GALNTL6: variants seen among roughly 807,000 people sequenced by gnomAD.
GALNTL6 encodes polypeptide N-acetylgalactosaminyltransferase like 6.
Under a neutral mutation model 73.7 loss-of-function variants are expected in GALNTL6, and 46 were observed. The ratio of observed to expected loss-of-function variants is 0.62; its 90% confidence interval spans 0.49 to 0.80. The LOEUF (loss-of-function observed/expected upper bound fraction) is 0.80, where lower values mean the gene tolerates loss of function less well. Among genes scored for constraint, GALNTL6 ranks in the 30% least tolerant of loss-of-function variants. GALNTL6 has a pLI of 0.00. For missense variants in GALNTL6, 604 were observed against 755.0 expected, an observed-to-expected ratio of 0.80 and a Z score of 2.34; for synonymous variants, 259 against 263.7, an observed-to-expected ratio of 0.98 and a Z score of 0.17.
chr4:173,015,417 C>G (rs925038123), intron 11 of GALNTL6, among the ~76,000 whole-genome samples: 2 of 152,120 alleles, frequency 1.3e-5, no homozygotes, highest in Non-Finnish European at 2.9e-5. Context: ...GCTCAGAAGA[C>G]AGGAAAATGC....
intron 5 of GALNTL6, among the ~76,000 whole-genome samples, chr4:172,444,820 T>C (rs898950122): frequency 6.6e-6 from 1 of 152,082 alleles, no homozygotes; most frequent in East Asian, 1.9e-4. Context: ...TCTTAAATCC[T>C]GAACACATTT....
intron 10 of GALNTL6, among the ~76,000 whole-genome samples, chr4:172,977,817 A>G (rs1750888779): frequency 6.6e-6 from 1 of 152,092 alleles, no homozygotes; most frequent in South Asian, 2.1e-4. Flanking sequence ...TCTCATTAGC[A>G]TCTTAAATCT....
chr4:173,007,031 G>A lies in GALNTL6; in HGVS notation c.1372-2147G>A, dbSNP rs150961981. On this transcript the variant is annotated intron_variant, in intron 10 of 12. Coordinates refer to ENST00000506823, the MANE Select transcript of GALNTL6 (RefSeq NM_001034845.3). ...GTTGCCTAAGTCCCTATTGAATAAG[G>A]AGATTAGTACCCACCACATTGATTC... Among the ~76,000 whole-genome samples, 1,047 of 152,248 alleles carry A rather than the reference G, an allele frequency of 6.9e-3. 3 individuals carry two copies. Among genetic ancestry groups the A allele is most frequent in the Non-Finnish European group, 0.011 (769 of 68,024 alleles).
chr4:172,870,408 C>T (rs1489134852), intron 7 of GALNTL6, among the ~76,000 whole-genome samples: 2 of 152,060 alleles, frequency 1.3e-5, no homozygotes, highest in East Asian at 1.9e-4. Flanking sequence ...TGTAATTGTA[C>T]ATATTTTTGT....
At chr4:172,979,677 G>A (rs1750985359) in intron 10 of GALNTL6, among the ~76,000 whole-genome samples, 1 of 152,172 alleles carries the variant, frequency 6.6e-6, no homozygotes, top group African/African-American at 2.4e-5. Flanking sequence ...GGCTTTAGGA[G>A]CCCTTTGAGT....
intron 10 of GALNTL6, among the ~76,000 whole-genome samples, chr4:172,999,783 ATAATTTGGATATATT>A (rs1052537642): frequency 6.6e-6 from 1 of 151,244 alleles, no homozygotes; most frequent in African/African-American, 2.4e-5. Flanking sequence ...ATATATATAT[ATAATTTGGATATATT>A]ATTTGGATAC....
At chr4:172,021,779 C>T (rs1022757935) in intron 2 of GALNTL6, among the ~76,000 whole-genome samples, 1 of 151,754 alleles carries the variant, frequency 6.6e-6, no homozygotes, top group African/African-American at 2.4e-5. Flanking sequence ...AACACAGAAA[C>T]AAATCCATAT....
intron 3 of GALNTL6, among the ~76,000 whole-genome samples, chr4:172,308,041 T>G (rs1740214372): frequency 8.2e-6 from 1 of 122,034 alleles, no homozygotes; most frequent in Non-Finnish European, 1.7e-5. Context: ...TTTACGGCTC[T>G]TGTAACAGTG....
intron 2 of GALNTL6, among the ~76,000 whole-genome samples, chr4:172,212,794 A>T (rs553453113): frequency 6.6e-6 from 1 of 152,048 alleles, no homozygotes; most frequent in Non-Finnish European, 1.5e-5. Context: ...CAGCCTCCTG[A>T]GTAGCTGGGA....
chr4:172,382,472 TAATA>T (rs1743318247), intron 5 of GALNTL6, among the ~76,000 whole-genome samples: 1 of 152,186 alleles, frequency 6.6e-6, no homozygotes, highest in African/African-American at 2.4e-5. Flanking sequence ...TGTTGAGTTG[TAATA>T]AATCTTAATA....
intron 5 of GALNTL6, among the ~76,000 whole-genome samples, chr4:172,770,122 TG>T (rs935712853): frequency 2.0e-5 from 3 of 151,782 alleles, no homozygotes; most frequent in Non-Finnish European, 4.4e-5. Context: ...AAAAATTAGC[TG>T]GGCGTTGTGG....
intron 2 of GALNTL6, among the ~76,000 whole-genome samples, chr4:172,026,458 T>C (rs1741582078): frequency 6.6e-6 from 1 of 152,156 alleles, no homozygotes; most frequent in African/African-American, 2.4e-5. Flanking sequence ...CACTATACAA[T>C]ACATAGCCAG....
chr4:171,894,379 T>G lies in GALNTL6; in HGVS notation c.138+79661T>G, dbSNP rs146233826. Among the ~76,000 whole-genome samples the G allele has an allele frequency of 1.5e-4, 23 of 152,316 alleles. 1 individual carries two copies. In the East Asian group the frequency reaches 4.3e-3, roughly 28 times the overall value. On this transcript the variant is annotated intron_variant, in intron 2 of 12. Coordinates refer to ENST00000506823, the MANE Select transcript of GALNTL6 (RefSeq NM_001034845.3). ...CAGTGCATGTTGATGCCATTATGATTAATAATTAATATTAGAATATGTACA... is the reference window on the plus strand; with the variant it reads ...CAGTGCATGTTGATGCCATTATGATGAATAATTAATATTAGAATATGTACA...
intron 2 of GALNTL6, among the ~76,000 whole-genome samples, chr4:172,037,991 C>T (rs1019640015): frequency 9.2e-5 from 14 of 151,652 alleles, no homozygotes; most frequent in Non-Finnish European, 8.8e-5. Context: ...TGGTGGCACA[C>T]GCCTGTAATC....
intron 2 of GALNTL6, among the ~76,000 whole-genome samples, chr4:171,913,748 G>C (rs916189744): frequency 2.6e-5 from 4 of 152,016 alleles, no homozygotes; most frequent in African/African-American, 9.7e-5. Flanking sequence ...GAAATTAGGT[G>C]GTAATGAAAA....
chr4:172,701,277 G>A (rs1260672243), intron 5 of GALNTL6, among the ~76,000 whole-genome samples: 1 of 152,104 alleles, frequency 6.6e-6, no homozygotes, highest in Non-Finnish European at 1.5e-5. Context: ...CTATGAAGCC[G>A]AGTCATTAAT....
At chr4:171,849,543 A>G (rs1452949724) in intron 2 of GALNTL6, among the ~76,000 whole-genome samples, 1 of 152,236 alleles carries the variant, frequency 6.6e-6, no homozygotes, top group Admixed American at 6.5e-5. Flanking sequence ...ATAGAAATAA[A>G]GAAAATCTTG....
chr4:171,821,048 T>C (rs1202296497), intron 2 of GALNTL6, among the ~76,000 whole-genome samples: 1 of 152,070 alleles, frequency 6.6e-6, no homozygotes, highest in African/African-American at 2.4e-5. Context: ...TTATTTATTT[T>C]TCCCCAAGAC....
chr4:172,122,559 T>C (rs1288576793), intron 2 of GALNTL6, among the ~76,000 whole-genome samples: 3 of 152,156 alleles, frequency 2.0e-5, no homozygotes, highest in Admixed American at 1.3e-4. Context: ...ATTACGGAAG[T>C]GTTAATGGGA....
Sources: gnomAD v4.1 joint callset for allele counts (sites outside exome capture counted in the v4.1 genomes callset) on GRCh38, gnomAD v4.1.1 for gene constraint, MANE v1.5 for transcripts, NCBI Gene and HGNC (gene_info 2026-07-23, HGNC 2026-07-21) for gene names.